CLIC5: variants seen among roughly 807,000 people sequenced by gnomAD.
The protein encoded by CLIC5 is CLIC family member 5, also known as chloride intracellular channel protein 5.
Under a neutral mutation model 24.7 loss-of-function variants are expected in CLIC5, and 20 were observed. That is an observed-to-expected ratio of 0.81 (90% CI 0.57 to 1.18). The LOEUF is 1.18. Ranked by LOEUF, CLIC5 falls within the 50% of genes most tolerant of loss-of-function variation. The pLI, the probability that CLIC5 is intolerant of heterozygous loss-of-function variation, is 0.00. For synonymous variants in CLIC5, 159 were observed against 135.6 expected (o/e 1.17, Z -1.20); for missense variants, 341 against 326.1 (o/e 1.05, Z -0.35).
chr6:46,108,463 C>T, the CLIC5 span, among the ~76,000 whole-genome samples: 8 of 151,544 alleles, frequency 5.3e-5, no homozygotes, highest in African/African-American at 1.9e-4. Flanking sequence ...ATGGTGCGGT[C>T]TTGGCTCACT....
At chr6:46,006,029 A>AATATATATACATGTATAAAT (rs1442041317) in intron 1 of CLIC5, among the ~76,000 whole-genome samples, 12 of 135,240 alleles carry the variant, frequency 8.9e-5, no homozygotes, top group Admixed American at 1.5e-4. Context: ...CACATGTATA[A>AATATATATACATGTATAAAT]ATATATATAC....
chr6:46,004,070 G>A (rs1766455245), intron 1 of CLIC5, among the ~76,000 whole-genome samples: 2 of 152,198 alleles, frequency 1.3e-5, no homozygotes, highest in South Asian at 4.1e-4. Context: ...GCTGGGAAAA[G>A]GAATGCAAGA....
chr6:46,035,231 G>A (rs1225209831), intron 1 of CLIC5, among the ~76,000 whole-genome samples: 1 of 152,106 alleles, frequency 6.6e-6, no homozygotes, highest in Non-Finnish European at 1.5e-5. Flanking sequence ...TATAGCCACT[G>A]TTTTATATTG....
At chr6:46,084,921 C>A (rs1241895968), upstream of CLIC5, among the ~76,000 whole-genome samples, 7 of 152,196 alleles carry the variant, frequency 4.6e-5, no homozygotes, top group African/African-American at 1.7e-4. Context: ...CAATCAGATG[C>A]AGATTTGGTC....
chr6:46,072,313 T>C (rs191565739), intron 1 of CLIC5, among the ~76,000 whole-genome samples: 65 of 151,262 alleles, frequency 4.3e-4, no homozygotes, highest in African/African-American at 1.5e-3. Context: ...GGGAGATGGA[T>C]GACTCTAGAG....
At chr6:45,971,493 G>A (rs1420134092) in intron 1 of CLIC5, among the ~76,000 whole-genome samples, 1 of 152,132 alleles carries the variant, frequency 6.6e-6, no homozygotes, top group Non-Finnish European at 1.5e-5. Flanking sequence ...ACCCACCTAA[G>A]GAAGGAAGCC....
chr6:45,983,582 C>T (rs1765635078), intron 1 of CLIC5, among the ~76,000 whole-genome samples: 1 of 152,178 alleles, frequency 6.6e-6, no homozygotes, highest in Non-Finnish European at 1.5e-5. Flanking sequence ...TGAGAAGACA[C>T]ATAGAAGATT....
chr6:46,043,580 G>A (rs956981483), intron 1 of CLIC5, among the ~76,000 whole-genome samples: 1 of 152,180 alleles, frequency 6.6e-6, no homozygotes, highest in Non-Finnish European at 1.5e-5. Flanking sequence ...TTTATATTGA[G>A]GTGGAGAAAG....
At position 45,973,617 on chromosome 6, in the gene CLIC5, A is replaced by C. The variant is rs75976312; in HGVS notation, c.64-18373T>G. Among the ~76,000 whole-genome samples the C allele has an allele frequency of 8.9e-3, 1,353 of 152,332 alleles. 19 individuals carry two copies. Among genetic ancestry groups the C allele is most frequent in the African/African-American group, 0.031 (1,287 of 41,572 alleles). ...TCACTAATATTTGATCCTCAAAAGCAAAATACTATGAAAACATGTTCATCA... is the reference window on the plus strand; with the variant it reads ...TCACTAATATTTGATCCTCAAAAGCCAAATACTATGAAAACATGTTCATCA... On this transcript the variant is annotated intron_variant, in intron 1 of 5. Transcript: ENST00000339561.
upstream of CLIC5, chr6:46,015,893 C>G (rs1766987746): frequency 1.9e-6 from 2 of 1,027,268 alleles, no homozygotes; most frequent in Non-Finnish European, 2.3e-6. Context: ...CCAAAATAGC[C>G]GGCGGCTGCA....
intron 1 of CLIC5, among the ~76,000 whole-genome samples, chr6:45,973,153 A>G (rs912856740): frequency 1.3e-5 from 2 of 152,186 alleles, no homozygotes; most frequent in Admixed American, 6.5e-5. Context: ...TTCATCTCGA[A>G]CAGGCCCCAT....
intron 1 of CLIC5, among the ~76,000 whole-genome samples, chr6:45,963,277 C>T (rs937610878): frequency 6.6e-6 from 1 of 152,114 alleles, no homozygotes; most frequent in African/African-American, 2.4e-5. Context: ...CTGCAGCCTC[C>T]CTTGCCACTT....
the CLIC5 span, among the ~76,000 whole-genome samples, chr6:46,113,421 G>T: frequency 1.3e-5 from 2 of 152,086 alleles, no homozygotes; most frequent in South Asian, 4.1e-4. Flanking sequence ...ACAAGTTGTG[G>T]GGCAGCTTTG....
chr6:45,984,251 GGAT>G (rs1314793143), intron 1 of CLIC5, among the ~76,000 whole-genome samples: 2 of 152,190 alleles, frequency 1.3e-5, no homozygotes, highest in East Asian at 3.8e-4. Context: ...AAGATGAGAG[GGAT>G]GTGTAGAATT....
At chr6:46,080,019 T>C (rs1292476213) in exon 1 of CLIC5, 6 of 1,551,432 alleles carry the variant, frequency 3.9e-6, no homozygotes, top group Non-Finnish European at 5.2e-6. Context: ...GTCTTCTGAC[T>C]GGACAGAGGC....
chr6:46,094,190 A>T, the CLIC5 span, among the ~76,000 whole-genome samples: 1 of 152,204 alleles, frequency 6.6e-6, no homozygotes, highest in African/African-American at 2.4e-5. Context: ...CATCACCAAC[A>T]TTGGGGATTA....
chr6:46,125,468 A>G, the CLIC5 span, among the ~76,000 whole-genome samples: 8 of 152,248 alleles, frequency 5.3e-5, no homozygotes, highest in African/African-American at 1.9e-4. Context: ...GGAGATATAC[A>G]TAATGTAAAT....
At position 46,015,796 on chromosome 6, in the gene CLIC5, A is replaced by G. The variant is rs974368760; in HGVS notation, c.-254T>C. The stretch of plus-strand genomic sequence containing the variant: ...GGGAAAGCCGGGTTAAGGGAATGAC[A>G]ACAGGTCGTGGGAGCAACAAGTGCC... On this transcript the variant is annotated 5_prime_UTR_variant, in exon 1 of 6. Coordinates refer to ENST00000339561, the MANE Select transcript of CLIC5 (RefSeq NM_016929.5). The G allele has an allele frequency of 9.1e-6, 11 of 1,205,210 alleles. No homozygotes were observed. The highest frequency in any genetic ancestry group is 1.1e-5 in the Non-Finnish European group (11 of 970,480). The allele number at this position is 1,205,210 out of a possible 1,614,324, so 74.7% of individuals were successfully genotyped here.
the CLIC5 span, among the ~76,000 whole-genome samples, chr6:46,128,266 TAAAG>T: frequency 2.6e-5 from 4 of 152,188 alleles, no homozygotes; most frequent in Admixed American, 2.0e-4. Flanking sequence ...TAGCAGTGGA[TAAAG>T]AGAGTCCTCT....
Sources: gnomAD v4.1 joint callset for allele counts (sites outside exome capture counted in the v4.1 genomes callset) on GRCh38, gnomAD v4.1.1 for gene constraint, MANE v1.5 for transcripts, NCBI Gene and HGNC (gene_info 2026-07-23, HGNC 2026-07-21) for gene names.